KIF6: variants seen among roughly 807,000 people sequenced by gnomAD.
KIF6 encodes the protein kinesin-like protein KIF6.
In KIF6, 106 loss-of-function variants were observed where a neutral mutation model predicts 112.7. The observed-to-expected ratio is 0.94, with a 90% CI of 0.80 to 1.11. The LOEUF (loss-of-function observed/expected upper bound fraction) is 1.11, where lower values mean the gene tolerates loss of function less well. Among genes scored for constraint, KIF6 ranks in the 50% least tolerant of loss-of-function variants. KIF6 has a pLI of 0.00. For missense variants in KIF6, 929 were observed against 964.0 expected, an observed-to-expected ratio of 0.96 and a Z score of 0.48; for synonymous variants, 339 against 339.9, an observed-to-expected ratio of 1.00 and a Z score of 0.03.
intron 5 of KIF6, among the ~76,000 whole-genome samples, chr6:39,614,982 A>G (rs1010359776): frequency 6.6e-6 from 1 of 152,102 alleles, no homozygotes; most frequent in African/African-American, 2.4e-5. Context: ...TGGAAGATAA[A>G]GTAACAAAAT....
intron 21 of KIF6, among the ~76,000 whole-genome samples, chr6:39,345,090 AC>A (rs1413805093): frequency 6.6e-6 from 1 of 151,984 alleles, no homozygotes; most frequent in Non-Finnish European, 1.5e-5. Context: ...GTCCATCCTC[AC>A]CCCTGTGCCT....
chr6:39,417,792 C>T (rs1581806061), intron 15 of KIF6, among the ~76,000 whole-genome samples: 2 of 152,170 alleles, frequency 1.3e-5, no homozygotes, highest in South Asian at 4.1e-4. Flanking sequence ...CATCATTAGT[C>T]TATTTCATTA....
At chr6:39,372,299 C>G (rs941887826) in intron 16 of KIF6, among the ~76,000 whole-genome samples, 1 of 152,150 alleles carries the variant, frequency 6.6e-6, no homozygotes, top group South Asian at 2.1e-4. Context: ...CTTCAGGGCA[C>G]TTCCCTGTAT....
intron 15 of KIF6, among the ~76,000 whole-genome samples, chr6:39,411,899 C>A (rs974904419): frequency 1.3e-5 from 2 of 152,136 alleles, no homozygotes; most frequent in Non-Finnish European, 2.9e-5. Context: ...TTTAAGAGTT[C>A]CTGGCTATAA....
intron 15 of KIF6, among the ~76,000 whole-genome samples, chr6:39,407,124 T>G (rs80287645): frequency 0.05 from 7,486 of 150,886 alleles, 576 homozygotes; most frequent in African/African-American, 0.17. Flanking sequence ...AGACTCCTGT[T>G]TTTTTTTTGT....
At chr6:39,500,765 T>A (rs1776080419) in intron 13 of KIF6, among the ~76,000 whole-genome samples, 1 of 151,350 alleles carries the variant, frequency 6.6e-6, no homozygotes, top group Non-Finnish European at 1.5e-5. Context: ...GAAATGGGAG[T>A]TTGGAGTTCA....
rs1481333003 is a variant in KIF6 at position 39,584,417 on chromosome 6, T to TACA, written c.1077+480_1077+481insTGT. Among the ~76,000 whole-genome samples the TACA allele has an allele frequency of 6.1e-3, 283 of 46,042 alleles. 66 individuals carry two copies. Among genetic ancestry groups the TACA allele is most frequent in the Middle Eastern group, 0.017 (1 of 58 alleles). The allele number at this position is 46,042 out of a possible 152,430, so 30.2% of individuals were successfully genotyped here. On this transcript the variant is annotated intron_variant, in intron 9 of 22. Transcript: ENST00000287152. Reference sequence around the variant, plus strand: ...TCCAGCCTGAGCAAGACTCTGTCTCTAAAAAAAAAAAAAAAAAAAAAAAAA... The same window carrying TACA: ...TCCAGCCTGAGCAAGACTCTGTCTCTACAAAAAAAAAAAAAAAAAAAAAAAAAA...
chr6:39,349,874 T>G (rs1379756601), intron 19 of KIF6, among the ~76,000 whole-genome samples: 4 of 152,120 alleles, frequency 2.6e-5, no homozygotes, highest in Non-Finnish European at 5.9e-5. Context: ...CTTGAACTCC[T>G]GACCTCGTGA....
At position 39,429,688 on chromosome 6, in the gene KIF6, A is replaced by T. The variant is rs535417047; in HGVS notation, c.1754+1365T>A. ...ACTTTGGGAGGCCAAGGTGGGCGGA[A>T]CACGAGGTCAGCAGATGAGACCATC... On this transcript the variant is annotated intron_variant, in intron 14 of 22. Coordinates refer to ENST00000287152, the MANE Select transcript of KIF6 (RefSeq NM_145027.6). Among the ~76,000 whole-genome samples, 346 of 152,228 alleles carry T rather than the reference A, an allele frequency of 2.3e-3. 3 individuals are homozygous for T. Among genetic ancestry groups the T allele is most frequent in the South Asian group, 3.7e-3 (18 of 4,826 alleles).
intron 16 of KIF6, among the ~76,000 whole-genome samples, chr6:39,380,381 T>C (rs1766823089): frequency 6.6e-6 from 1 of 152,240 alleles, no homozygotes; most frequent in Admixed American, 6.5e-5. Context: ...TCATTAGTTC[T>C]CCTGTCCACT....
At chr6:39,417,175 C>T (rs1226826692) in intron 15 of KIF6, among the ~76,000 whole-genome samples, 1 of 152,202 alleles carries the variant, frequency 6.6e-6, no homozygotes, top group East Asian at 1.9e-4. Context: ...CACCTTCCTC[C>T]TCCTTAGTCC....
rs1375593436 is a variant in KIF6, at chr6:39,342,402, C to T, written c.2428+1307G>A. Among the ~76,000 whole-genome samples the T allele has an allele frequency of 6.6e-6, 1 of 152,156 alleles. No individual in the cohort carries two copies. Among genetic ancestry groups the T allele is most frequent in the East Asian group, 1.9e-4 (1 of 5,186 alleles). ...TGTCTCCTTCCTCCCCCTAGAATGT[C>T]AGTTTCTCACGTGCTGGGTTCTGTC... On this transcript the variant is annotated intron_variant, in intron 22 of 22. Coordinates refer to ENST00000287152, the MANE Select transcript of KIF6 (RefSeq NM_145027.6). The surrounding 1 kb of genome is among the most constrained non-coding windows in gnomAD (Gnocchi z 4.7).
intron 2 of KIF6, 62 bp from the exon 3 acceptor site, chr6:39,714,828 A>T: frequency 8.9e-7 from 1 of 1,118,548 alleles, no homozygotes; most frequent in Non-Finnish European, 1.3e-6. Context: ...CAGATTAATA[A>T]ATCTTGTTTT....
rs1027521288 is a variant in KIF6 at position 39,610,575 on chromosome 6, A to G, written c.639+2614T>C. 3.3e-5 allele frequency among the ~76,000 whole-genome samples: 5 copies of G among 152,258 alleles called. No homozygotes were observed. The East Asian group carries it at 5.8e-4, about 18-fold the overall frequency. On this transcript the variant is annotated intron_variant, in intron 6 of 22. Coordinates refer to ENST00000287152, the MANE Select transcript of KIF6 (RefSeq NM_145027.6). ...CTGTGCTGACAAATTGCATTCTGAC[A>G]GGTTGTAATCCAAAACATGCTTTTT...
At chr6:39,501,140 A>G (rs1158061081) in intron 13 of KIF6, among the ~76,000 whole-genome samples, 1 of 152,064 alleles carries the variant, frequency 6.6e-6, no homozygotes, top group Admixed American at 6.6e-5. Context: ...GGGAATTCCC[A>G]CCCCTAGCCA....
intron 16 of KIF6, among the ~76,000 whole-genome samples, chr6:39,383,311 G>C (rs1333136545): frequency 6.6e-6 from 1 of 152,148 alleles, no homozygotes; most frequent in Non-Finnish European, 1.5e-5. Context: ...TTACATTTAA[G>C]TCTTTAATTC....
intron 15 of KIF6, among the ~76,000 whole-genome samples, chr6:39,403,924 T>C (rs1256357418): frequency 6.6e-6 from 1 of 152,240 alleles, no homozygotes; most frequent in Non-Finnish European, 1.5e-5. Context: ...TTTGCATGCG[T>C]TCATTTGCCA....
At chr6:39,466,656 C>T (rs1314133831) in intron 13 of KIF6, among the ~76,000 whole-genome samples, 1 of 152,080 alleles carries the variant, frequency 6.6e-6, no homozygotes, top group African/African-American at 2.4e-5. Context: ...TTCCACTCCC[C>T]CTAGCTCCCA....
At chr6:39,513,125 T>C (rs531675724) in intron 13 of KIF6, among the ~76,000 whole-genome samples, 285 of 152,318 alleles carry the variant, frequency 1.9e-3, no homozygotes, top group African/African-American at 6.3e-3. Flanking sequence ...GTTCTGTTCA[T>C]AATACCTGGC....
Sources: allele counts gnomAD v4.1 joint callset (sites outside exome capture counted in the v4.1 genomes callset), GRCh38; gene constraint gnomAD v4.1.1; non-coding constraint Gnocchi (gnomAD v3.1); transcripts MANE v1.5; gene names NCBI Gene and HGNC (gene_info 2026-07-23, HGNC 2026-07-21).